Variants in WWOX observed in about 807,000 individuals in gnomAD.
The protein encoded by WWOX is WW domain containing oxidoreductase, also known as WW domain-containing oxidoreductase.
Under a neutral mutation model 46.2 loss-of-function variants are expected in WWOX, and 69 were observed. That is an observed-to-expected ratio of 1.49 (90% CI 1.23 to 1.82). WWOX has a LOEUF of 1.82. Among genes scored for constraint, WWOX ranks in the 40% most tolerant of loss-of-function variants. The pLI, the probability that WWOX is intolerant of heterozygous loss-of-function variation, is 0.00. For synonymous variants in WWOX, 359 were observed against 202.6 expected, an observed-to-expected ratio of 1.77 and a Z score of -6.56; for missense variants, 919 against 542.6, an observed-to-expected ratio of 1.69 and a Z score of -6.89.
chr16:78,789,015 A>T (rs1034225945), intron 8 of WWOX, among the ~76,000 whole-genome samples: 9 of 152,190 alleles, frequency 5.9e-5, no homozygotes, highest in Non-Finnish European at 1.2e-4. Flanking sequence ...TTCTGTGGGT[A>T]GTCTTTTTAT....
intron 8 of WWOX, among the ~76,000 whole-genome samples, chr16:78,667,488 G>GT (rs1435929325): frequency 6.6e-6 from 1 of 151,880 alleles, no homozygotes; most frequent in Non-Finnish European, 1.5e-5. Context: ...GGTTAACACG[G>GT]TGAAACCCTG....
At chr16:78,280,725 C>G (rs1400390545) in intron 5 of WWOX, 1 of 152,206 alleles carries the variant, frequency 6.6e-6, no homozygotes, top group African/African-American at 2.4e-5. Context: ...GCGCAGCTCA[C>G]TGCCAGCGCT....
At chr16:78,891,012 A>T (rs539248686) in intron 8 of WWOX, 1 of 152,336 alleles carries the variant, frequency 6.6e-6, no homozygotes, top group South Asian at 2.1e-4. Context: ...TTAGTAAATC[A>T]CAGGTTGCCT....
intron 8 of WWOX, among the ~76,000 whole-genome samples, chr16:78,902,655 G>C (rs1467731478): frequency 1.3e-5 from 2 of 152,206 alleles, no homozygotes; most frequent in East Asian, 1.9e-4. Flanking sequence ...TAAACCATTA[G>C]GCCGGCTCTG....
intron 8 of WWOX, among the ~76,000 whole-genome samples, chr16:78,639,872 G>T (rs1318917366): frequency 6.6e-6 from 1 of 151,962 alleles, no homozygotes; most frequent in Non-Finnish European, 1.5e-5. Flanking sequence ...GGCCCAGATT[G>T]GCTTCTGTGT....
At chr16:78,840,695 C>G (rs557409157) in intron 8 of WWOX, among the ~76,000 whole-genome samples, 1 of 151,570 alleles carries the variant, frequency 6.6e-6, no homozygotes, top group African/African-American at 2.4e-5. Context: ...GCCCGAGCTT[C>G]TTTGTTTCCT....
At chr16:78,690,476 C>G (rs1334151128) in intron 8 of WWOX, among the ~76,000 whole-genome samples, 1 of 152,110 alleles carries the variant, frequency 6.6e-6, no homozygotes, top group Non-Finnish European at 1.5e-5. Flanking sequence ...TGCTTGGGCC[C>G]TGGACGTCAA....
At chr16:78,261,260 A>AAGGT (rs1249401160) in intron 5 of WWOX, among the ~76,000 whole-genome samples, 16 of 133,094 alleles carry the variant, frequency 1.2e-4, no homozygotes, top group African/African-American at 3.9e-4. Flanking sequence ...AATGTGTGGT[A>AAGGT]AGGTAGATAG....
At chr16:78,725,435 C>G (rs1014930140) in intron 8 of WWOX, among the ~76,000 whole-genome samples, 2 of 137,506 alleles carry the variant, frequency 1.5e-5, no homozygotes, top group Admixed American at 8.2e-5. Flanking sequence ...GCAAACTCCA[C>G]TTCCCGGATT....
At chr16:78,651,324 T>C (rs1476078565) in intron 8 of WWOX, among the ~76,000 whole-genome samples, 2 of 152,204 alleles carry the variant, frequency 1.3e-5, no homozygotes, top group Non-Finnish European at 2.9e-5. Flanking sequence ...TGTGGTTCCT[T>C]TGTGTCTACA....
chr16:79,164,081 A>G (rs1426064180), intron 8 of WWOX, among the ~76,000 whole-genome samples: 2 of 152,224 alleles, frequency 1.3e-5, no homozygotes, highest in Admixed American at 6.5e-5. Flanking sequence ...TCAGTTTGCC[A>G]TATAAAAGCT....
At chr16:78,888,830 C>T (rs1183283692) in intron 8 of WWOX, among the ~76,000 whole-genome samples, 5 of 151,740 alleles carry the variant, frequency 3.3e-5, no homozygotes, top group Non-Finnish European at 1.5e-5. Context: ...CTTTTTAATT[C>T]ATAGTCTCAA....
intron 8 of WWOX, among the ~76,000 whole-genome samples, chr16:79,121,851 A>T (rs962607299): frequency 6.6e-6 from 1 of 152,116 alleles, no homozygotes; most frequent in Non-Finnish European, 1.5e-5. Context: ...TATTAAAACA[A>T]TTCGTTCTCA....
chr16:78,537,642 T>C (rs574419816), intron 8 of WWOX, among the ~76,000 whole-genome samples: 5 of 152,278 alleles, frequency 3.3e-5, no homozygotes, highest in African/African-American at 1.2e-4. Context: ...AGCTTGGTTG[T>C]GATGTTGTTG....
At chr16:78,209,854 A>G (rs1366392985) in intron 5 of WWOX, among the ~76,000 whole-genome samples, 1 of 152,114 alleles carries the variant, frequency 6.6e-6, no homozygotes, top group Non-Finnish European at 1.5e-5. Flanking sequence ...CAAGGGTAAG[A>G]CCTTCATAAT....
chr16:78,769,294 GTCCATCCA>G (rs940437314), intron 8 of WWOX, among the ~76,000 whole-genome samples: 8 of 152,058 alleles, frequency 5.3e-5, no homozygotes, highest in African/African-American at 1.4e-4. Context: ...CCATCCGTCT[GTCCATCCA>G]TCCATCCATC....
intron 8 of WWOX, among the ~76,000 whole-genome samples, chr16:78,612,554 C>T (rs1010472464): frequency 6.6e-6 from 1 of 152,212 alleles, no homozygotes; most frequent in Admixed American, 6.5e-5. Flanking sequence ...GATTTCATTG[C>T]AGCCTGGAAC....
At chr16:78,437,051 T>C (rs1318125706) in intron 8 of WWOX, among the ~76,000 whole-genome samples, 1 of 152,154 alleles carries the variant, frequency 6.6e-6, no homozygotes, top group Admixed American at 6.5e-5. Flanking sequence ...CCTTTTACCT[T>C]AGAGAGGGTG....
At position 78,479,590 on chromosome 16, in the gene WWOX, A is replaced by G. The variant is rs2084438582; in HGVS notation, c.1056+46838A>G. The stretch of plus-strand genomic sequence containing the variant: ...TGAAAATGGAGATAAGACATGTCCC[A>G]TTCCCTAGAATAGACTGTCACTGCT... On this transcript the variant is annotated intron_variant, in intron 8 of 8. Coordinates refer to ENST00000566780, the MANE Select transcript of WWOX (RefSeq NM_016373.4). Among the ~76,000 whole-genome samples, 3 of 152,216 alleles carry G rather than the reference A, an allele frequency of 2.0e-5. No homozygotes were observed. The South Asian group carries it at 6.2e-4, about 32-fold the overall frequency.
Sources: allele counts gnomAD v4.1 joint callset (sites outside exome capture counted in the v4.1 genomes callset), GRCh38; gene constraint gnomAD v4.1.1; transcripts MANE v1.5; gene names NCBI Gene and HGNC (gene_info 2026-07-23, HGNC 2026-07-21).